FREM2: variants seen among roughly 807,000 people sequenced by gnomAD.
FREM2 encodes the protein FRAS1 related extracellular matrix 2.
In FREM2, 119 loss-of-function variants were observed where a neutral mutation model predicts 219.9. The ratio of observed to expected loss-of-function variants is 0.54; its 90% CI spans 0.47 to 0.63. The LOEUF (loss-of-function observed/expected upper bound fraction) is 0.63. Ranked by LOEUF, FREM2 falls within the 30% of genes least tolerant of loss-of-function variation. The probability of loss-of-function intolerance (pLI) is 0.00; values close to 1 mark genes in which losing one functional copy is unlikely to be tolerated. For missense variants in FREM2, 4,030 were observed against 3,993.6 expected, an observed-to-expected ratio of 1.01 and a Z score of -0.25; for synonymous variants, 1,562 against 1,522.8, an observed-to-expected ratio of 1.03 and a Z score of -0.60.
intron 6 of FREM2, among the ~76,000 whole-genome samples, chr13:38,789,164 G>A (rs931253487): frequency 2.0e-5 from 3 of 151,788 alleles, no homozygotes; most frequent in Non-Finnish European, 2.9e-5. Context: ...TCTTTAATCT[G>A]TAAACTTCAA....
At chr13:38,728,718 T>C (rs1441521250) in intron 2 of FREM2, among the ~76,000 whole-genome samples, 1 of 152,138 alleles carries the variant, frequency 6.6e-6, no homozygotes, top group African/African-American at 2.4e-5. Context: ...TGGCTAACAC[T>C]GTTATTTTTA....
At chr13:38,744,928 C>A (rs1360777755) in intron 2 of FREM2, among the ~76,000 whole-genome samples, 4 of 152,200 alleles carry the variant, frequency 2.6e-5, no homozygotes, top group Non-Finnish European at 5.9e-5. Context: ...ATAATTGAAT[C>A]CATTATTTAT....
Position 38,687,118 on chromosome 13 carries a change from G to T in FREM2, c.-227G>T. On this transcript the variant is annotated 5_prime_UTR_variant, in exon 1 of 24. Coordinates refer to ENST00000280481, the MANE Select transcript of FREM2 (RefSeq NM_207361.6). ...AATTCTCCGCGCGATTGAGGCGCTA[G>T]CGGCGGAGCTGGACGGCCTGGGAAG... is the stretch of plus-strand genomic sequence containing the variant. 1.7e-6 allele frequency: 1 copy of T among 598,302 alleles called. No individual in the cohort carries two copies. The highest frequency in any genetic ancestry group is 2.9e-6 in the Non-Finnish European group (1 of 339,366). 37.1% of individuals were successfully genotyped at this position (598,302 alleles called of 1,614,324 possible).
At chr13:38,843,199 G>A (rs372804608) in intron 6 of FREM2, among the ~76,000 whole-genome samples, 14 of 152,100 alleles carry the variant, frequency 9.2e-5, no homozygotes, top group Non-Finnish European at 1.9e-4. Context: ...GCTATGAGAT[G>A]TGTGGCTTTA....
At chr13:38,744,376 A>C (rs1872378044) in intron 2 of FREM2, among the ~76,000 whole-genome samples, 1 of 151,536 alleles carries the variant, frequency 6.6e-6, no homozygotes, top group Admixed American at 6.6e-5. Context: ...GCACCCAGTT[A>C]ATTTTTTTGT....
rs1048211568 is a variant in FREM2, at chr13:38,885,183, A to G, written c.*4396A>G. On this transcript the variant is annotated 3_prime_UTR_variant, in exon 24 of 24. Transcript: ENST00000280481. ...GACATGATATTTTTCTATAGTTTCC[A>G]TCAGGAAGAGTACATCAGAAACTTC... The G allele has an allele frequency of 5.3e-5, 8 of 152,214 alleles. No homozygotes were observed. Among genetic ancestry groups the G allele is most frequent in the African/African-American group, 1.9e-4 (8 of 41,470 alleles). The allele number at this position is 152,214 out of a possible 1,614,324, so 9.4% of individuals were successfully genotyped here. A position where few individuals can be genotyped will look rare whatever the true frequency, so the allele number is the denominator to read the frequency against.
Position 38,877,197 on chromosome 13 carries a change from T to C in FREM2, c.8625T>C (p.Asp2875=). 3 of 1,614,168 alleles carry C rather than the reference T, an allele frequency of 1.9e-6. No homozygotes were observed. The African/African-American group carries it at 4.0e-5, about 22-fold the overall frequency. The change falls in exon 21 of 24, where the codon GAT becomes GAC. Residue 2875 remains aspartate (D), a synonymous_variant. Coordinates refer to ENST00000280481, the MANE Select transcript of FREM2 (RefSeq NM_207361.6). ...CTAAGAAGAGTCTCTGGTTGTCTGA[T>C]GGATCCATGGGATTCGGGCAAGAGA... The part of the protein sequence containing the change: ...LLSKKSLWLS[D]GSMGFGQESD...
chr13:38,795,021 A>G (rs367849879), intron 6 of FREM2, among the ~76,000 whole-genome samples: 91 of 152,254 alleles, frequency 6.0e-4, no homozygotes, highest in African/African-American at 2.1e-3. Flanking sequence ...TGTTGAATAT[A>G]TGTCCTAAAT....
intron 2 of FREM2, among the ~76,000 whole-genome samples, chr13:38,739,821 T>C (rs1370515560): frequency 1.3e-5 from 2 of 152,230 alleles, no homozygotes; most frequent in East Asian, 3.9e-4. Context: ...TTTGTTTTAC[T>C]GATAATGATA....
intron 4 of FREM2, among the ~76,000 whole-genome samples, chr13:38,772,296 G>A (rs934762862): frequency 9.2e-5 from 14 of 152,128 alleles, no homozygotes; most frequent in Non-Finnish European, 1.6e-4. Context: ...AGACCACAGG[G>A]GATGGGAAAG....
chr13:38,742,719 T>C (rs531875519), intron 2 of FREM2, among the ~76,000 whole-genome samples: 2 of 152,346 alleles, frequency 1.3e-5, no homozygotes, highest in South Asian at 4.1e-4. Context: ...GTCATCTTTG[T>C]GTACTTTTCT....
chr13:38,782,448 C>T (rs371476058), intron 4 of FREM2, among the ~76,000 whole-genome samples: 18 of 152,002 alleles, frequency 1.2e-4, no homozygotes, highest in African/African-American at 3.9e-4. Context: ...AAGGGAGCCA[C>T]GGAAATATTC....
chr13:38,693,693 T>G (rs1869994299), intron 1 of FREM2, among the ~76,000 whole-genome samples: 2 of 152,236 alleles, frequency 1.3e-5, no homozygotes, highest in South Asian at 4.1e-4. Context: ...GTTCTTTTCC[T>G]GCAACTGTGT....
chr13:38,839,353 C>T (rs540323153), intron 6 of FREM2, among the ~76,000 whole-genome samples: 212 of 152,324 alleles, frequency 1.4e-3, no homozygotes, highest in Middle Eastern at 6.8e-3. Flanking sequence ...CAGAGGGGCA[C>T]CCGCCACATG....
intron 2 of FREM2, among the ~76,000 whole-genome samples, chr13:38,747,452 C>T (rs1872532595): frequency 7.0e-6 from 1 of 142,470 alleles, no homozygotes; most frequent in African/African-American, 2.7e-5. Context: ...CCTAAATCTC[C>T]AGAGTGCCTG....
At chr13:38,862,607 G>A (rs571572181) in intron 15 of FREM2, among the ~76,000 whole-genome samples, 4 of 152,278 alleles carry the variant, frequency 2.6e-5, no homozygotes, top group Non-Finnish European at 4.4e-5. Context: ...CTGTGGGGCC[G>A]GAGTTTTGCT....
chr13:38,817,199 A>G (rs1875799649), intron 6 of FREM2, among the ~76,000 whole-genome samples: 1 of 152,158 alleles, frequency 6.6e-6, no homozygotes, highest in South Asian at 2.1e-4. Context: ...CTTCACAAAA[A>G]TAGAAATAAA....
rs182438583 is a variant in FREM2, at chr13:38,800,443, T to A, written c.6019+15635T>A. ...CACTGTTGGTCTGATGGGAGTTCCT[T>A]TATAGGTGACTAGAAGCTTTTCTCT... On this transcript the variant is annotated intron_variant, in intron 6 of 23. Transcript: ENST00000280481. Among the ~76,000 whole-genome samples, 3 of 152,264 alleles carry A rather than the reference T, an allele frequency of 2.0e-5. No individual in the cohort carries two copies. The East Asian group carries it at 5.8e-4, about 29-fold the overall frequency.
rs1333639924 is a variant in FREM2, at chr13:38,880,554, C to T, written c.9277C>T (p.Pro3093Ser). The T allele has an allele frequency of 1.1e-5, 18 of 1,614,076 alleles. No homozygotes were observed. Among genetic ancestry groups the T allele is most frequent in the Admixed American group, 3.3e-5 (2 of 60,010 alleles). Residue 3093 changes from proline to serine, a missense_variant, in exon 24 of 24, where the codon CCT becomes TCT. Pro to Ser is a moderately conservative substitution (Grantham distance 74). Coordinates refer to ENST00000280481, the MANE Select transcript of FREM2 (RefSeq NM_207361.6). ...TKRQIPHGRA[P>S]PDGILPWELN... ...GAGGCAGATCCCCCATGGGAGAGCA[C>T]CTCCAGATGGCATCCTCCCCTGGGA... is the stretch of plus-strand genomic sequence containing the variant.
Sources: gnomAD v4.1 joint callset for allele counts (sites outside exome capture counted in the v4.1 genomes callset) on GRCh38, gnomAD v4.1.1 for gene constraint, MANE v1.5 for transcripts, NCBI Gene and HGNC (gene_info 2026-07-23, HGNC 2026-07-21) for gene names.